The following NOS1AP variants were observed in gnomAD, a reference collection of about 807,000 sequenced individuals.
NOS1AP encodes the protein carboxyl-terminal PDZ ligand of neuronal nitric oxide synthase protein.
A neutral mutation model predicts 56.2 loss-of-function variants in NOS1AP; 21 were observed. The observed-to-expected ratio is 0.37, with a 90% CI of 0.26 to 0.54. The LOEUF (loss-of-function observed/expected upper bound fraction) is 0.54. Among genes scored for constraint, NOS1AP ranks in the 20% least tolerant of loss-of-function variants. The pLI is 0.84. For synonymous variants in NOS1AP, 270 were observed against 274.6 expected, an observed-to-expected ratio of 0.98 and a Z score of 0.17; for missense variants, 522 against 657.8, an observed-to-expected ratio of 0.79 and a Z score of 2.26.
chr1:162,094,237 C>A (rs1376628804), intron 1 of NOS1AP, among the ~76,000 whole-genome samples: 1 of 152,152 alleles, frequency 6.6e-6, no homozygotes, highest in Non-Finnish European at 1.5e-5. Context: ...TTGTTGTGTG[C>A]TGGAGTGGTC....
Position 162,107,593 on chromosome 1 carries a change from C to T in NOS1AP, c.105+37311C>T, listed in dbSNP as rs562159683. On this transcript the variant is annotated intron_variant, in intron 1 of 9. Coordinates refer to ENST00000361897, the MANE Select transcript of NOS1AP (RefSeq NM_014697.3). Reference sequence around the variant, plus strand: ...TCCTGGCCTTAAGCATTCCTCCTGCCTTGGCCTCCCAGAGTGGCAGGATTA... The same window carrying T: ...TCCTGGCCTTAAGCATTCCTCCTGCTTTGGCCTCCCAGAGTGGCAGGATTA... Among the ~76,000 whole-genome samples the T allele has an allele frequency of 7.0e-4, 107 of 152,316 alleles. 2 individuals carry two copies. The South Asian group carries it at 0.014, about 20-fold the overall frequency.
At chr1:162,199,542 C>T (rs1380650417) in intron 2 of NOS1AP, among the ~76,000 whole-genome samples, 1 of 151,342 alleles carries the variant, frequency 6.6e-6, no homozygotes, top group Non-Finnish European at 1.5e-5. Context: ...AAGTCTAGAG[C>T]CTGGACCTCC....
At chr1:162,179,272 G>T (rs890643767) in intron 2 of NOS1AP, among the ~76,000 whole-genome samples, 5 of 152,194 alleles carry the variant, frequency 3.3e-5, no homozygotes, top group Middle Eastern at 6.8e-3. Flanking sequence ...ATATGAAAAC[G>T]ATTCTTCTTT....
chr1:162,357,272 G>A, intron 8 of NOS1AP, 136 bp downstream of exon 8: 1 of 1,471,142 alleles, frequency 6.8e-7, no homozygotes, highest in East Asian at 2.5e-5. Context: ...ATCATTGCTT[G>A]TTGGGGAGTG....
chr1:162,333,291 C>G (rs1252779497), intron 5 of NOS1AP, among the ~76,000 whole-genome samples, 166 bp downstream of exon 5: 1 of 152,174 alleles, frequency 6.6e-6, no homozygotes, highest in African/African-American at 2.4e-5. Context: ...CTTTTAGCAT[C>G]ATCTGAACTT....
At position 162,311,828 on chromosome 1, in the gene NOS1AP, C is replaced by T. The variant is rs376620081; in HGVS notation, c.344+11122C>T. Among the ~76,000 whole-genome samples, 28 of 144,042 alleles carry T rather than the reference C, an allele frequency of 1.9e-4. 1 individual carries two copies. The East Asian group carries it at 4.5e-3, about 23-fold the overall frequency. 94.5% of individuals were successfully genotyped at this position (144,042 alleles called of 152,430 possible). ...ATTCCCACCTATGAGTGAGAATATG[C>T]GGTGTTTGGTTTTTTGTTCTTGCGA... is the stretch of plus-strand genomic sequence containing the variant. On this transcript the variant is annotated intron_variant, in intron 4 of 9. Coordinates refer to ENST00000361897, the MANE Select transcript of NOS1AP (RefSeq NM_014697.3).
At chr1:162,151,234 T>C in intron 1 of NOS1AP, among the ~76,000 whole-genome samples, 1 of 152,258 alleles carries the variant, frequency 6.6e-6, no homozygotes, top group East Asian at 1.9e-4. Flanking sequence ...TTCCCCAATA[T>C]ATGTTCTTGG....
intron 2 of NOS1AP, among the ~76,000 whole-genome samples, chr1:162,270,321 G>A (rs140941286): frequency 4.6e-5 from 7 of 152,274 alleles, no homozygotes; most frequent in East Asian, 3.9e-4. Flanking sequence ...TGAAAACCCC[G>A]TAATAGATGC....
At chr1:162,269,873 G>A (rs745507415) in intron 2 of NOS1AP, among the ~76,000 whole-genome samples, 1 of 152,084 alleles carries the variant, frequency 6.6e-6, no homozygotes, top group Non-Finnish European at 1.5e-5. Flanking sequence ...AAGAGAAATA[G>A]GTCAAACGGG....
intron 1 of NOS1AP, among the ~76,000 whole-genome samples, chr1:162,117,509 G>A (rs1213282556): frequency 1.3e-5 from 2 of 152,204 alleles, no homozygotes; most frequent in Non-Finnish European, 2.9e-5. Context: ...GGGAAGTCAA[G>A]AGACACATTA....
At chr1:162,135,212 C>T (rs182324627) in intron 1 of NOS1AP, among the ~76,000 whole-genome samples, 48 of 152,202 alleles carry the variant, frequency 3.2e-4, no homozygotes, top group Admixed American at 1.1e-3. Flanking sequence ...GTACTGTTAA[C>T]GTTTAGAAGA....
At chr1:162,362,648 A>G (rs1657943997) in intron 8 of NOS1AP, among the ~76,000 whole-genome samples, 1 of 152,164 alleles carries the variant, frequency 6.6e-6, no homozygotes, top group African/African-American at 2.4e-5. Context: ...GAAGATGAAT[A>G]ATTTAGTAAT....
chr1:162,365,031 G>T (rs1173354882), intron 8 of NOS1AP: 2 of 1,121,066 alleles, frequency 1.8e-6, no homozygotes, highest in African/African-American at 3.2e-5. Context: ...TGCTGAAGGA[G>T]TTCTCTAAGC....
intron 2 of NOS1AP, among the ~76,000 whole-genome samples, chr1:162,228,773 G>T (rs961841870): frequency 6.6e-6 from 1 of 152,052 alleles, no homozygotes; most frequent in Non-Finnish European, 1.5e-5. Context: ...TCAAATTAAC[G>T]CTATCATTTT....
chr1:162,321,747 T>C (rs1656429949), intron 4 of NOS1AP, among the ~76,000 whole-genome samples: 1 of 147,406 alleles, frequency 6.8e-6, no homozygotes, highest in Non-Finnish European at 1.5e-5. Context: ...TATATATATA[T>C]ATATAAAAGC....
In NOS1AP at chr1:162,256,269, GTGTC is replaced by G. The variant is rs528374715; in HGVS notation, c.178-31072_178-31069del. 3.0e-4 allele frequency among the ~76,000 whole-genome samples: 45 copies of G among 152,314 alleles called. 2 individuals carry two copies. The South Asian group carries it at 9.3e-3, about 32-fold the overall frequency. On this transcript the variant is annotated intron_variant, in intron 2 of 9. Coordinates refer to ENST00000361897, the MANE Select transcript of NOS1AP (RefSeq NM_014697.3). The stretch of plus-strand genomic sequence containing the variant: ...AGAATACATCTGGCATTATTACAGA[GTGTC>G]TGAATGATTATTTTGCTCTTCTGTC...
At chr1:162,264,815 CTT>C (rs58948058) in intron 2 of NOS1AP, among the ~76,000 whole-genome samples, 30,802 of 136,906 alleles carry the variant, frequency 0.22, 3,698 homozygotes, top group East Asian at 0.43. Flanking sequence ...CGCGCCCGAC[CTT>C]TTTTTTTTTT....
chr1:162,130,779 A>G (rs1648715251), intron 1 of NOS1AP, among the ~76,000 whole-genome samples: 1 of 152,158 alleles, frequency 6.6e-6, no homozygotes, highest in Non-Finnish European at 1.5e-5. Context: ...GTACCCTAAC[A>G]TTTGGTGGGT....
At chr1:162,076,932 A>G (rs1691782082) in intron 1 of NOS1AP, among the ~76,000 whole-genome samples, 1 of 152,142 alleles carries the variant, frequency 6.6e-6, no homozygotes, top group Non-Finnish European at 1.5e-5. Context: ...ATTCCTTTAT[A>G]TGGCTGGATA....
Sources: allele counts gnomAD v4.1 joint callset (sites outside exome capture counted in the v4.1 genomes callset), GRCh38; gene constraint gnomAD v4.1.1; transcripts MANE v1.5; gene names NCBI Gene and HGNC (gene_info 2026-07-23, HGNC 2026-07-21).